Variants in ANGPT2 observed in about 807,000 individuals in gnomAD.
The protein encoded by ANGPT2 is angiopoietin 2.
ANGPT2 carries 28 observed loss-of-function variants against 62.9 expected under a neutral mutation model. The observed-to-expected ratio is 0.44, with a 90% CI of 0.33 to 0.61. The LOEUF is 0.61. ANGPT2 is among the 20% of genes least tolerant of loss of function. ANGPT2 has a pLI of 0.03. For missense variants in ANGPT2, 727 were observed against 594.9 expected (o/e 1.22, Z -2.31); for synonymous variants, 284 against 207.8 (o/e 1.37, Z -3.15).
rs764886182 is a variant in ANGPT2 at position 6,513,629 on chromosome 8, G to A, written c.1196+49C>T. 33 of 1,552,568 alleles carry A rather than the reference G, an allele frequency of 2.1e-5. No individual in the cohort carries two copies. In the Middle Eastern group the frequency reaches 5.4e-4, roughly 26 times the overall value. On this transcript the variant is annotated intron_variant, in intron 7 of 8. Transcript: ENST00000629816. ...ATTACAGGCGTGAGCCACCGTGCCC[G>A]GCCACAAATCTTTTAATTTTTTCTT...
chr8:6,532,625 T>C lies in ANGPT2; in HGVS notation c.289-138A>G. On this transcript the variant is annotated intron_variant, in intron 1 of 8. Coordinates refer to ENST00000629816, the MANE Select transcript of ANGPT2 (RefSeq NM_001118887.2). The stretch of plus-strand genomic sequence containing the variant: ...AAAGACTTGTACCTTGCCTTCCTTT[T>C]GGAATCTTACTATTTTTTTTTATCA... 7.3e-6 allele frequency: 5 copies of C among 684,232 alleles called. No homozygotes were observed. The South Asian group carries it at 1.9e-4, about 26-fold the overall frequency. The allele number at this position is 684,232 out of a possible 1,614,324, so 42.4% of individuals were successfully genotyped here.
At position 6,527,637 on chromosome 8, in the gene ANGPT2, C is replaced by G; in HGVS notation, c.484G>C (p.Glu162Gln). The change falls in exon 3 of 9, where the codon GAA becomes CAA. Residue 162 changes from glutamate to glutamine, a missense_variant. Transcript: ENST00000629816. ...AATTTGTTTGTCGAGAGGGAGTGTT[C>G]CAAGAGCTGAAGTTCAAGTCTCGTG... ...QTTRLELQLL[E>Q]HSLSTNKLEK... 6.2e-7 allele frequency: 1 copy of G among 1,613,908 alleles called. No individual in the cohort carries two copies. Among genetic ancestry groups the G allele is most frequent in the Non-Finnish European group, 8.5e-7 (1 of 1,179,904 alleles).
chr8:6,514,730 G>A lies in ANGPT2; in HGVS notation c.976C>T (p.Arg326Ter), dbSNP rs752903054. Residue 326 changes from arginine to a stop codon, truncating the protein, a stop_gained, in exon 6 of 9, where the codon CGA (arginine) becomes TGA (stop). Transcript: ENST00000629816. LOFTEE classifies it high-confidence loss of function. The part of the protein sequence containing the change: ...AGGGGWTIIQ[R>*]REDGSVDFQR... Reference sequence around the variant, plus strand: ...AAATCAACGCTGCCATCCTCACGTCGCTGAATAATTGTCCACCCGCCTCCT... The same window carrying A: ...AAATCAACGCTGCCATCCTCACGTCACTGAATAATTGTCCACCCGCCTCCT... The A allele has an allele frequency of 5.6e-6, 9 of 1,613,974 alleles. No homozygotes were observed. The highest frequency in any genetic ancestry group is 2.7e-5 in the African/African-American group (2 of 74,982).
rs544053852 is a variant in ANGPT2, at chr8:6,516,746, G to A, written c.928-1968C>T. On this transcript the variant is annotated intron_variant, in intron 5 of 8. Transcript: ENST00000629816. ...GTTGAAAGCATTGACGTGGCTCTTGGTGAGCCTATCCTTGTTCCAAGAATG... is the reference window on the plus strand; with the variant it reads ...GTTGAAAGCATTGACGTGGCTCTTGATGAGCCTATCCTTGTTCCAAGAATG... Among the ~76,000 whole-genome samples, 72 of 152,290 alleles carry A rather than the reference G, an allele frequency of 4.7e-4. 1 individual carries two copies. The highest frequency in any genetic ancestry group is 1.0e-3 in the South Asian group (5 of 4,820).
In ANGPT2 at chr8:6,516,583, A is replaced by G. The variant is rs566588876; in HGVS notation, c.928-1805T>C. ...CTCTTATTTGCCTGCAGTCAACAAA[A>G]TGGTCAGTGCTGCTCACTTCTATCA... On this transcript the variant is annotated intron_variant, in intron 5 of 8. Transcript: ENST00000629816. Among the ~76,000 whole-genome samples, 3 of 152,342 alleles carry G rather than the reference A, an allele frequency of 2.0e-5. No homozygotes were observed. In the South Asian group the frequency reaches 6.2e-4, roughly 32 times the overall value.
intron 1 of ANGPT2, among the ~76,000 whole-genome samples, chr8:6,559,248 C>CACACACAT (rs1171249410): frequency 6.6e-6 from 1 of 151,816 alleles, no homozygotes; most frequent in African/African-American, 2.4e-5. Context: ...CACACACACA[C>CACACACAT]ACACACACAC....
At chr8:6,508,546 C>G (rs1050935943) in intron 8 of ANGPT2, 1 of 301,320 alleles carries the variant, frequency 3.3e-6, no homozygotes, top group Non-Finnish European at 6.0e-6. Flanking sequence ...GGAAATATTT[C>G]TATAATCTAT....
At chr8:6,534,516 G>A (rs1238975161) in intron 1 of ANGPT2, among the ~76,000 whole-genome samples, 10 of 151,992 alleles carry the variant, frequency 6.6e-5, no homozygotes, top group African/African-American at 2.4e-4. Context: ...CCATCCACCC[G>A]CCTCAGCCCC....
chr8:6,520,481 C>T (rs903689563), intron 4 of ANGPT2, among the ~76,000 whole-genome samples: 1 of 152,146 alleles, frequency 6.6e-6, no homozygotes, highest in Admixed American at 6.5e-5. Context: ...CCGCATCCTC[C>T]TCCTCCCAGG....
intron 3 of ANGPT2, among the ~76,000 whole-genome samples, chr8:6,524,337 G>A (rs1817937365): frequency 6.6e-6 from 1 of 152,216 alleles, no homozygotes; most frequent in East Asian, 1.9e-4. Context: ...AGAAGCTGGT[G>A]AAATATTCTA....
At chr8:6,506,849 A>C (rs1813826060) in intron 8 of ANGPT2, among the ~76,000 whole-genome samples, 2 of 151,656 alleles carry the variant, frequency 1.3e-5, no homozygotes, top group Non-Finnish European at 2.9e-5. Flanking sequence ...CATGAAAATT[A>C]CTGAATTTCA....
intron 1 of ANGPT2, among the ~76,000 whole-genome samples, chr8:6,548,507 C>G (rs961575850): frequency 2.0e-5 from 3 of 152,158 alleles, no homozygotes; most frequent in African/African-American, 7.2e-5. Context: ...TTGCAGCTTA[C>G]TTGCATTTCA....
At chr8:6,520,806 T>C (rs1351244675) in intron 4 of ANGPT2, among the ~76,000 whole-genome samples, 2 of 152,248 alleles carry the variant, frequency 1.3e-5, no homozygotes, top group Non-Finnish European at 2.9e-5. Flanking sequence ...AGTGCCATTG[T>C]ATTATCTCAT....
In ANGPT2 at chr8:6,562,819, C is replaced by A; in HGVS notation, c.116G>T (p.Gly39Val). 1 of 1,613,604 alleles carries A rather than the reference C, an allele frequency of 6.2e-7. No homozygotes were observed. Among genetic ancestry groups the A allele is most frequent in the Non-Finnish European group, 8.5e-7 (1 of 1,179,892 alleles). ...IGKKQYQVQH[G>V]SCSYTFLLPE... ...CAGGAGGAAAGTGTAGCTGCAGGAC[C>A]CATGCTGGACCTGATATTGCTTCTT... The change falls in exon 1 of 9, where the codon GGG (glycine) becomes GTG (valine). Residue 39 changes from glycine to valine, a missense_variant. Transcript: ENST00000629816.
intron 1 of ANGPT2, among the ~76,000 whole-genome samples, chr8:6,557,303 A>G (rs182646438): frequency 1.3e-5 from 2 of 152,274 alleles, no homozygotes; most frequent in East Asian, 3.9e-4. Context: ...AAAAAAATAT[A>G]CAGGCTTGCA....
At chr8:6,522,311 T>C (rs2442618) in intron 3 of ANGPT2, among the ~76,000 whole-genome samples, 62,067 of 151,246 alleles carry the variant, frequency 0.41, 12,902 homozygotes, top group Middle Eastern at 0.52. Flanking sequence ...GCTGAGATCA[T>C]GCCACTGCAC....
At chr8:6,515,072 TGGTCCAG>T (rs924065049) in intron 5 of ANGPT2, among the ~76,000 whole-genome samples, 4 of 151,158 alleles carry the variant, frequency 2.6e-5, no homozygotes, top group African/African-American at 9.8e-5. Context: ...CCCTGATGGC[TGGTCCAG>T]AGATTGCTGT....
At chr8:6,504,174 C>G (rs2515599) in intron 8 of ANGPT2, among the ~76,000 whole-genome samples, 6 of 151,728 alleles carry the variant, frequency 4.0e-5, no homozygotes, top group Non-Finnish European at 7.4e-5. Flanking sequence ...AAAAATTAGC[C>G]GGGCGTGGTG....
intron 1 of ANGPT2, among the ~76,000 whole-genome samples, chr8:6,547,970 C>T (rs548373435): frequency 6.6e-6 from 1 of 150,864 alleles, no homozygotes; most frequent in Non-Finnish European, 1.5e-5. Flanking sequence ...TTAATTTTAT[C>T]AGTGGCAGTG....
Sources: gnomAD v4.1 joint callset for allele counts (sites outside exome capture counted in the v4.1 genomes callset) on GRCh38, gnomAD v4.1.1 for gene constraint, MANE v1.5 for transcripts, NCBI Gene and HGNC (gene_info 2026-07-23, HGNC 2026-07-21) for gene names.